Variants in UGT2B7 observed in about 807,000 individuals in gnomAD.
The protein encoded by UGT2B7 is UDP-glucuronosyltransferase 2B7.
A neutral mutation model predicts 51.9 loss-of-function variants in UGT2B7; 51 were observed. That is an observed-to-expected ratio of 0.98 (90% CI 0.78 to 1.24). The LOEUF (loss-of-function observed/expected upper bound fraction) is 1.24. Ranked by LOEUF, UGT2B7 falls within the 50% of genes most tolerant of loss-of-function variation. UGT2B7 has a pLI of 0.00. For missense variants in UGT2B7, 727 were observed against 628.4 expected, an observed-to-expected ratio of 1.16 and a Z score of -1.68; for synonymous variants, 225 against 211.6, an observed-to-expected ratio of 1.06 and a Z score of -0.55.
At chr4:69,072,883 T>G (rs1345372352) in intron 1 of UGT2B7, among the ~76,000 whole-genome samples, 1 of 152,158 alleles carries the variant, frequency 6.6e-6, no homozygotes, top group Admixed American at 6.6e-5. Flanking sequence ...TTGTTATCAT[T>G]ATAAAAGTTG....
intron 1 of UGT2B7, 24 bp from the exon 2 acceptor site, chr4:69,098,511 TCCACC>T (rs1719316269): frequency 6.5e-7 from 1 of 1,533,062 alleles, no homozygotes. Context: ...TCTTGTGTCA[TCCACC>T]TTTTTTTTTT....
At chr4:69,101,685 C>T (rs1316672686) in intron 2 of UGT2B7, among the ~76,000 whole-genome samples, 1 of 152,052 alleles carries the variant, frequency 6.6e-6, no homozygotes, top group Non-Finnish European at 1.5e-5. Flanking sequence ...GCAGAGTTAA[C>T]ATTTGGACTT....
Position 69,098,598 on chromosome 4 carries a change from C to T in UGT2B7, c.780C>T (p.Asn260=), listed in dbSNP as rs753476295. ...AAGCTGACGTATGGCTTATTCGAAA[C>T]TCCTGGAATTTTCAGTTTCCATATC... The part of the protein sequence containing the change: ...MGKADVWLIR[N]SWNFQFPYPL... The change falls in exon 2 of 6, where the codon AAC becomes AAT. Residue 260 remains asparagine, a synonymous_variant. Transcript: ENST00000305231. 1 of 1,612,232 alleles carries T rather than the reference C, an allele frequency of 6.2e-7. No homozygotes were observed. Among genetic ancestry groups the T allele is most frequent in the Non-Finnish European group, 8.5e-7 (1 of 1,179,008 alleles).
chr4:69,061,739 A>T (rs1488129819), intron 1 of UGT2B7, among the ~76,000 whole-genome samples: 1 of 152,192 alleles, frequency 6.6e-6, no homozygotes, highest in East Asian at 1.9e-4. Flanking sequence ...CCATTTGTAA[A>T]CAGCGTTTAA....
At chr4:69,071,173 T>G (rs1286994088) in intron 1 of UGT2B7, among the ~76,000 whole-genome samples, 4 of 152,086 alleles carry the variant, frequency 2.6e-5, no homozygotes, top group Non-Finnish European at 5.9e-5. Context: ...CCAGCAAGTT[T>G]AGTCCAGTCC....
Position 69,098,526 on chromosome 4 carries a change from T to TTTTTTTTTTTCAGGAAGACCCA in UGT2B7, c.722-14_722-13insTTTTTTTTTTCAGGAAGACCCA. The TTTTTTTTTTTCAGGAAGACCCA allele has an allele frequency of 6.3e-7, 1 of 1,586,398 alleles. No individual in the cohort carries two copies. The highest frequency in any genetic ancestry group is 8.5e-7 in the Non-Finnish European group (1 of 1,172,990). ...TCTTGTGTCATCCACCTTTTTTTTT[T>TTTTTTTTTTTCAGGAAGACCCA]CTATTCCTGTCAGGAAGACCCACTA... is the stretch of plus-strand genomic sequence containing the variant. On this transcript the variant is annotated splice_polypyrimidine_tract_variant and intron_variant, in intron 1 of 5. Transcript: ENST00000305231.
intron 1 of UGT2B7, among the ~76,000 whole-genome samples, chr4:69,087,713 T>C (rs1718993848): frequency 8.7e-6 from 1 of 115,566 alleles, no homozygotes; most frequent in Non-Finnish European, 1.7e-5. Context: ...TCAGTATTTT[T>C]GCATGGCAGA....
chr4:69,070,458 G>T (rs1185974000), intron 1 of UGT2B7, among the ~76,000 whole-genome samples: 1 of 146,766 alleles, frequency 6.8e-6, no homozygotes, highest in Admixed American at 6.8e-5. Flanking sequence ...AAGAAAAACA[G>T]AGCAAGATCC....
intron 1 of UGT2B7, among the ~76,000 whole-genome samples, chr4:69,060,037 C>G (rs1718308721): frequency 6.6e-6 from 1 of 152,194 alleles, no homozygotes; most frequent in South Asian, 2.1e-4. Context: ...AAAAACTCTC[C>G]TACAATCTTT....
intron 1 of UGT2B7, among the ~76,000 whole-genome samples, chr4:69,062,222 G>A (rs530821510): frequency 1.3e-5 from 2 of 152,114 alleles, no homozygotes; most frequent in Non-Finnish European, 2.9e-5. Context: ...TCCAAGTCAG[G>A]TGCACCCCCA....
intron 1 of UGT2B7, among the ~76,000 whole-genome samples, chr4:69,059,860 AC>A: frequency 6.6e-6 from 1 of 152,214 alleles, no homozygotes; most frequent in East Asian, 1.9e-4. Context: ...GTGGTGCCAA[AC>A]CCATATACTT....
chr4:69,073,707 A>G (rs1415049886), intron 1 of UGT2B7, among the ~76,000 whole-genome samples: 1 of 150,852 alleles, frequency 6.6e-6, no homozygotes, highest in Non-Finnish European at 1.5e-5. Context: ...TATAATGAGT[A>G]GCTAAGATCA....
At chr4:69,103,428 A>C (rs1399372223) in intron 3 of UGT2B7, among the ~76,000 whole-genome samples, 1 of 152,144 alleles carries the variant, frequency 6.6e-6, no homozygotes, top group African/African-American at 2.4e-5. Flanking sequence ...CATCAGTGGG[A>C]ACTCAGTACT....
chr4:69,102,681 ATAT>A, intron 2 of UGT2B7, 123 bp from the exon 3 acceptor site: 1 of 1,429,016 alleles, frequency 7.0e-7, no homozygotes, highest in Admixed American at 2.4e-5. Flanking sequence ...CAGTTAAAAA[ATAT>A]TATTTACTCC....
chr4:69,090,177 G>T (rs1418699811), intron 2 of UGT2B7, among the ~76,000 whole-genome samples: 2 of 152,070 alleles, frequency 1.3e-5, no homozygotes, highest in Non-Finnish European at 2.9e-5. Flanking sequence ...TCTTGTTATT[G>T]CAATTCTAGA....
chr4:69,064,104 A>AAGAGAGAGAGAG (rs1560499783), intron 1 of UGT2B7, among the ~76,000 whole-genome samples: 36 of 110,610 alleles, frequency 3.3e-4, no homozygotes, highest in Admixed American at 4.4e-4. Context: ...AAGAGAAAGA[A>AAGAGAGAGAGAG]AGAAAGAAAA....
intron 1 of UGT2B7, among the ~76,000 whole-genome samples, chr4:69,059,516 C>A (rs969245894): frequency 6.6e-6 from 1 of 151,984 alleles, no homozygotes; most frequent in Non-Finnish European, 1.5e-5. Context: ...AGGCTATATG[C>A]AAAAAAGACT....
intron 1 of UGT2B7, among the ~76,000 whole-genome samples, chr4:69,077,296 AT>A (rs140219027): frequency 0.57 from 85,664 of 150,888 alleles, 25,277 homozygotes; most frequent in African/African-American, 0.72. Flanking sequence ...AGTTTAAAGT[AT>A]TTTTTTTTTC....
chr4:69,098,340 T>A (rs1200792820), intron 1 of UGT2B7, among the ~76,000 whole-genome samples, 200 bp from the exon 2 acceptor site: 3 of 152,024 alleles, frequency 2.0e-5, no homozygotes, highest in Non-Finnish European at 2.9e-5. Context: ...CTCCTACTAC[T>A]TTGTCTTTCT....
Sources: gnomAD v4.1 joint callset for allele counts (sites outside exome capture counted in the v4.1 genomes callset) on GRCh38, gnomAD v4.1.1 for gene constraint, MANE v1.5 for transcripts, NCBI Gene and HGNC (gene_info 2026-07-23, HGNC 2026-07-21) for gene names.